Variants in ZNF483 observed in about 807,000 individuals in gnomAD.
ZNF483 encodes zinc finger protein HIT-10.
Under a neutral mutation model 28.6 loss-of-function variants are expected in ZNF483, and 9 were observed. The observed-to-expected ratio is 0.32, with a 90% CI of 0.19 to 0.55. The LOEUF is 0.55. Ranked by LOEUF, ZNF483 falls within the 20% of genes least tolerant of loss-of-function variation. ZNF483 has a pLI of 0.93. For synonymous variants in ZNF483, 322 were observed against 306.2 expected, an observed-to-expected ratio of 1.05 and a Z score of -0.54; for missense variants, 675 against 871.7, an observed-to-expected ratio of 0.77 and a Z score of 2.84.
chr9:111,527,573 T>TA lies in ZNF483; in HGVS notation c.179dup (p.Tyr60Ter). Residue 60 changes from tyrosine (Y) to a stop codon, truncating the protein, a stop_gained and frameshift_variant, in exon 2 of 6, where the codon TAC (tyrosine) becomes TAAC (stop). Transcript: ENST00000309235. LOFTEE classifies it high-confidence loss of function. The stretch of plus-strand genomic sequence containing the variant: ...CAGACAGAGGTTTAGGTGGTTTTGT[T>TA]ACTCAGAAGTAGCTGGACCCAGGAA... ...SFRQRFRWFC[Y>*]SEVAGPRKAL... 1 of 1,614,250 alleles carries TA rather than the reference T, an allele frequency of 6.2e-7. No homozygotes were observed. Among genetic ancestry groups the TA allele is most frequent in the Non-Finnish European group, 8.5e-7 (1 of 1,180,050 alleles).
rs1377110498 is a variant in ZNF483, at chr9:111,527,702, A to G, written c.307A>G (p.Ile103Val). The G allele has an allele frequency of 1.9e-6, 3 of 1,614,108 alleles. No homozygotes were observed. Among genetic ancestry groups the G allele is most frequent in the Middle Eastern group, 1.6e-4 (1 of 6,062 alleles). ...TCTGGTGTTTGAGCAGTTCCTGACC[A>G]TTTTGCCTGGGGAGATCAGGATTTG... ...ELLVFEQFLT[I>V]LPGEIRIWVK... The change falls in exon 2 of 6, where the codon ATT becomes GTT. Residue 103 changes from isoleucine to valine, a missense_variant. This residue lies in a region of ZNF483 where 525 missense variants were observed against 581.8 expected (regional missense o/e 0.90). Transcript: ENST00000309235.
At chr9:111,566,207 AT>A (rs1445951488) in intron 5 of ZNF483, among the ~76,000 whole-genome samples, 8 of 150,700 alleles carry the variant, frequency 5.3e-5, no homozygotes, top group Admixed American at 5.3e-4. Context: ...CATGTCAAAA[AT>A]AAATAAATAA....
intron 5 of ZNF483, among the ~76,000 whole-genome samples, chr9:111,561,106 TATATAGAGAGAG>T (rs1162973896): frequency 4.3e-5 from 1 of 23,174 alleles, no homozygotes; most frequent in Non-Finnish European, 7.7e-5. Flanking sequence ...TATATATATA[TATATAGAGAGAG>T]AGAGAGAGAG....
rs1457364862 is a variant in ZNF483, at chr9:111,561,110, T to TATAGAGAGAGAGAGAG, written c.722-15254_722-15253insTAGAGAGAGAGAGAGA. On this transcript the variant is annotated intron_variant, in intron 5 of 5. Transcript: ENST00000358151. ...ATATATATATATATATATATATATA[T>TATAGAGAGAGAGAGAG]AGAGAGAGAGAGAGAGAGAGAGAGA... Among the ~76,000 whole-genome samples the TATAGAGAGAGAGAGAG allele has an allele frequency of 5.2e-4, 10 of 19,190 alleles. 1 individual carries two copies. Among genetic ancestry groups the TATAGAGAGAGAGAGAG allele is most frequent in the African/African-American group, 7.9e-4 (2 of 2,542 alleles). The allele number at this position is 19,190 out of a possible 152,430, so 12.6% of individuals were successfully genotyped here.
chr9:111,576,336 C>A (rs780646914), intron 5 of ZNF483: 1 of 1,612,500 alleles, frequency 6.2e-7, no homozygotes, highest in South Asian at 1.1e-5. Flanking sequence ...CAAACCAGTA[C>A]TCACTAAGCT....
chr9:111,563,222 G>A (rs1828389302), intron 5 of ZNF483: 3 of 1,612,364 alleles, frequency 1.9e-6, no homozygotes, highest in Non-Finnish European at 2.5e-6. Flanking sequence ...TCCTTGTACT[G>A]GATTTTACCC....
Position 111,547,541 on chromosome 9 carries a change from A to C in ZNF483, c.*4371A>C, listed in dbSNP as rs571775825. Among the ~76,000 whole-genome samples the C allele has an allele frequency of 6.6e-6, 1 of 152,196 alleles. No individual in the cohort carries two copies. The highest frequency in any genetic ancestry group is 1.5e-5 in the Non-Finnish European group (1 of 68,008). On this transcript the variant is annotated 3_prime_UTR_variant, in exon 6 of 6. Coordinates refer to ENST00000309235, the MANE Select transcript of ZNF483 (RefSeq NM_133464.5). ...GAAGTTCTTAATATATCCAGAATAT[A>C]TAAAGAACTTTTCAGATAAATGATT...
intron 2 of ZNF483, among the ~76,000 whole-genome samples, chr9:111,530,546 T>A (rs1827299414): frequency 6.6e-6 from 1 of 151,404 alleles, no homozygotes; most frequent in Admixed American, 6.6e-5. Flanking sequence ...GACTGAGGCC[T>A]TAACCTTTGG....
Position 111,543,569 on chromosome 9 carries a change from G to A in ZNF483, c.*399G>A, listed in dbSNP as rs1230406324. On this transcript the variant is annotated 3_prime_UTR_variant, in exon 6 of 6. Coordinates refer to ENST00000309235, the MANE Select transcript of ZNF483 (RefSeq NM_133464.5). ...CTTGGACAAGTCATTTGACCTTTCA[G>A]AATTTTATTTTCGTCACCAGCAGAA... 2 of 991,112 alleles carry A rather than the reference G, an allele frequency of 2.0e-6. No homozygotes were observed. Among genetic ancestry groups the A allele is most frequent in the Non-Finnish European group, 2.4e-6 (2 of 833,982 alleles). The allele number at this position is 991,112 out of a possible 1,614,324, so 61.4% of individuals were successfully genotyped here.
chr9:111,540,691 C>T (rs1453886465), intron 5 of ZNF483, among the ~76,000 whole-genome samples: 3 of 152,126 alleles, frequency 2.0e-5, no homozygotes, highest in Non-Finnish European at 4.4e-5. Flanking sequence ...CTTTGAAAGT[C>T]TATATTGGTG....
intron 2 of ZNF483, among the ~76,000 whole-genome samples, chr9:111,530,610 A>G (rs1440440092): frequency 6.6e-6 from 1 of 151,292 alleles, no homozygotes; most frequent in Non-Finnish European, 1.5e-5. Context: ...GAGGACACCC[A>G]GCTGGTGCCT....
chr9:111,531,588 G>T (rs761992463), intron 3 of ZNF483, among the ~76,000 whole-genome samples: 1 of 152,126 alleles, frequency 6.6e-6, no homozygotes, highest in African/African-American at 2.4e-5. Flanking sequence ...TGTTGGCCAG[G>T]CTGATCTCAA....
chr9:111,539,349 GTACTCAGGGGCTTCTGCTCCTCATGT>G (rs1827609344), intron 5 of ZNF483: 2 of 427,514 alleles, frequency 4.7e-6, no homozygotes, highest in Non-Finnish European at 9.4e-6. Flanking sequence ...ACCAGAGATA[GTACTCAGGGGCTTCTGCTCCTCATGT>G]GTCATTTAAA....
At chr9:111,569,923 T>C in intron 5 of ZNF483, 1 of 1,143,102 alleles carries the variant, frequency 8.7e-7, no homozygotes, top group Non-Finnish European at 1.2e-6. Context: ...TGTTTTCCTT[T>C]CAAAGATGGG....
At chr9:111,564,189 G>A (rs1331699626) in intron 5 of ZNF483, 1 of 1,043,026 alleles carries the variant, frequency 9.6e-7, no homozygotes, top group Non-Finnish European at 1.2e-6. Flanking sequence ...GTATTCCAGT[G>A]ATGGCTTAGC....
chr9:111,535,098 T>C (rs1223579097), intron 5 of ZNF483, among the ~76,000 whole-genome samples: 1 of 152,202 alleles, frequency 6.6e-6, no homozygotes, highest in Non-Finnish European at 1.5e-5. Flanking sequence ...AGGAGTCCTG[T>C]GTCTCAAAGA....
In ZNF483 at chr9:111,543,254, C is replaced by A. The variant is rs937376056; in HGVS notation, c.*84C>A. On this transcript the variant is annotated 3_prime_UTR_variant, in exon 6 of 6. Coordinates refer to ENST00000309235, the MANE Select transcript of ZNF483 (RefSeq NM_133464.5). ...TGGGATGTAAACTTACAGTATTGAT[C>A]AGTAGCTGCAGCTTTCGTAAATTGG... 2.1e-5 allele frequency: 31 copies of A among 1,482,260 alleles called. No homozygotes were observed. Among genetic ancestry groups the A allele is most frequent in the Non-Finnish European group, 2.8e-5 (31 of 1,123,174 alleles). 91.8% of individuals were successfully genotyped at this position (1,482,260 alleles called of 1,614,324 possible).
chr9:111,537,217 A>G, intron 5 of ZNF483, among the ~76,000 whole-genome samples: 1 of 150,840 alleles, frequency 6.6e-6, no homozygotes, highest in East Asian at 1.9e-4. Flanking sequence ...GATGATTAGC[A>G]TTACGTGGCT....
At chr9:111,577,796 G>C (rs1022726913) in exon 6 of ZNF483, 1 of 152,216 alleles carries the variant, frequency 6.6e-6, no homozygotes, top group Non-Finnish European at 1.5e-5. Context: ...AGTGAGCCAC[G>C]ATCACACCAC....
Sources: gnomAD v4.1 joint callset for allele counts (sites outside exome capture counted in the v4.1 genomes callset) on GRCh38, gnomAD v4.1.1 for gene constraint, gnomAD v4.1.1 regional missense constraint, MANE v1.5 for transcripts, NCBI Gene and HGNC (gene_info 2026-07-23, HGNC 2026-07-21) for gene names.